The following CIT variants were observed in gnomAD, a reference collection of about 807,000 sequenced individuals.
CIT encodes the protein citron rho-interacting serine/threonine kinase.
Under a neutral mutation model 272.7 loss-of-function variants are expected in CIT, and 79 were observed. That is an observed-to-expected ratio of 0.29 (90% CI 0.24 to 0.35). The LOEUF (loss-of-function observed/expected upper bound fraction) is 0.35. CIT is among the 10% of genes least tolerant of loss of function. CIT has a pLI of 1.00. For missense variants in CIT, 1,909 were observed against 2,618.3 expected (o/e 0.73, Z 5.91); for synonymous variants, 948 against 995.6 (o/e 0.95, Z 0.90).
intron 46 of CIT, among the ~76,000 whole-genome samples, chr12:119,691,131 C>T (rs1199759329): frequency 6.9e-6 from 1 of 145,830 alleles, no homozygotes; most frequent in Non-Finnish European, 1.5e-5. Flanking sequence ...AAGATCGGAC[C>T]ACTGCACTCC....
At chr12:119,741,429 T>C (rs1000257029) in intron 24 of CIT, among the ~76,000 whole-genome samples, 1 of 152,232 alleles carries the variant, frequency 6.6e-6, no homozygotes, top group Admixed American at 6.5e-5. Context: ...TACCCAGTTG[T>C]CTATCTGTGT....
chr12:119,863,742 G>T (rs1468836028), intron 3 of CIT, among the ~76,000 whole-genome samples: 1 of 151,662 alleles, frequency 6.6e-6, no homozygotes, highest in African/African-American at 2.4e-5. Flanking sequence ...ATGTTGGCCA[G>T]GATGGTCTCG....
At chr12:119,828,811 G>A (rs1409988498) in intron 7 of CIT, among the ~76,000 whole-genome samples, 1 of 152,004 alleles carries the variant, frequency 6.6e-6, no homozygotes, top group Non-Finnish European at 1.5e-5. Flanking sequence ...CAGGTGATCT[G>A]CTCGCCTCGG....
intron 9 of CIT, among the ~76,000 whole-genome samples, chr12:119,812,262 T>TTAAGTAATAGCA (rs1252888141): frequency 6.6e-6 from 1 of 151,990 alleles, no homozygotes; most frequent in Non-Finnish European, 1.5e-5. Flanking sequence ...CAGGACACAT[T>TTAAGTAATAGCA]TAAGTAATAG....
intron 41 of CIT, among the ~76,000 whole-genome samples, chr12:119,703,894 G>C (rs1956727485): frequency 6.6e-6 from 1 of 152,176 alleles, no homozygotes; most frequent in Non-Finnish European, 1.5e-5. Flanking sequence ...AGCTCACTCT[G>C]CTCCGAAAAG....
intron 2 of CIT, among the ~76,000 whole-genome samples, chr12:119,872,922 G>A (rs1950726183): frequency 6.6e-6 from 1 of 152,094 alleles, no homozygotes; most frequent in Non-Finnish European, 1.5e-5. Context: ...TCAGCCTCCT[G>A]AGTAGCTGGG....
Position 119,825,228 on chromosome 12 carries a change from A to G in CIT, c.894T>C (p.Tyr298=), listed in dbSNP as rs1409181088. The G allele has an allele frequency of 6.2e-6, 10 of 1,614,198 alleles. No individual in the cohort carries two copies. Among genetic ancestry groups the G allele is most frequent in the Admixed American group, 1.7e-5 (1 of 60,006 alleles). Residue 298 remains tyrosine (Y), a synonymous_variant, in exon 8 of 48, where the codon TAT becomes TAC. Transcript: ENST00000392521. The stretch of plus-strand genomic sequence containing the variant: ...TTCCCTCTGCGAAGGGGGATCTCCC[A>G]TAAATCATCTCATAGGCAATCACGC... ...SVGVIAYEMI[Y]GRSPFAEGTS... is the part of the protein sequence containing the mutation.
At chr12:119,836,284 TAAAAAAAAAAAA>T (rs201559880) in intron 5 of CIT, among the ~76,000 whole-genome samples, 100 of 42,264 alleles carry the variant, frequency 2.4e-3, no homozygotes, top group African/African-American at 8.0e-3. Flanking sequence ...AGACTCCATC[TAAAAAAAAAAAA>T]AAAAAAAAAA....
intron 18 of CIT, 96 bp from the exon 19 acceptor site, chr12:119,767,278 C>A (rs1303787261): frequency 3.3e-6 from 3 of 921,722 alleles, no homozygotes; most frequent in Non-Finnish European, 5.0e-6. Flanking sequence ...GGTACAGGTA[C>A]CACAGGTAAC....
At chr12:119,773,500 T>G (rs1963408846) in intron 16 of CIT, among the ~76,000 whole-genome samples, 1 of 152,172 alleles carries the variant, frequency 6.6e-6, no homozygotes, top group Non-Finnish European at 1.5e-5. Context: ...TGGCGCAATC[T>G]CAGCTCACTG....
At chr12:119,703,225 G>T (rs1848935431) in intron 41 of CIT, among the ~76,000 whole-genome samples, 1 of 152,106 alleles carries the variant, frequency 6.6e-6, no homozygotes, top group South Asian at 2.1e-4. Context: ...AGCCTCAGTT[G>T]TCTTACCTGA....
At chr12:119,701,000 G>T (rs995018494) in intron 43 of CIT, 175 bp from the exon 44 acceptor site, 1 of 388,826 alleles carries the variant, frequency 2.6e-6, no homozygotes, top group Non-Finnish European at 4.6e-6. Flanking sequence ...TAAAAATGAG[G>T]GACTTTTTAA....
chr12:119,872,908 C>T (rs1057069803), intron 2 of CIT, among the ~76,000 whole-genome samples: 4 of 152,122 alleles, frequency 2.6e-5, no homozygotes, highest in African/African-American at 9.7e-5. Context: ...GAGATGCCCC[C>T]ACCTCAGCCT....
intron 44 of CIT, among the ~76,000 whole-genome samples, chr12:119,699,451 T>C (rs1415792756): frequency 1.3e-5 from 2 of 152,192 alleles, no homozygotes; most frequent in African/African-American, 4.8e-5. Context: ...AGACTTGGTA[T>C]TAGACTTTTA....
In CIT at chr12:119,700,745, CA is replaced by C; in HGVS notation, c.5622del (p.Phe1874LeufsTer10). On this transcript the variant is annotated frameshift_variant and splice_region_variant, in exon 44 of 48. Transcript: ENST00000392521. LOFTEE classifies it high-confidence loss of function. ...DLKWSRLPLAFAYREPYLFVT... is the reference protein window; with the variant it reads ...DLKWSRLPLAXAYREPYLFVT... ...AGCCCCCACACTGAGCCTCACGTACCAAAGGCCAAAGGTAAGCGACTCCACT... is the reference window on the plus strand; with the variant it reads ...AGCCCCCACACTGAGCCTCACGTACCAAGGCCAAAGGTAAGCGACTCCACT... 6.4e-7 allele frequency: 1 copy of C among 1,554,242 alleles called. No homozygotes were observed. The highest frequency in any genetic ancestry group is 8.8e-7 in the Non-Finnish European group (1 of 1,137,096).
intron 3 of CIT, 34 bp downstream of exon 3, chr12:119,869,025 AG>A (rs1399601845): frequency 6.2e-7 from 1 of 1,606,330 alleles, no homozygotes; most frequent in Non-Finnish European, 8.5e-7. Flanking sequence ...TTTCTCTCTC[AG>A]GACAGTTTTC....
chr12:119,693,450 G>A (rs1956067395), intron 46 of CIT, among the ~76,000 whole-genome samples: 1 of 152,174 alleles, frequency 6.6e-6, no homozygotes, highest in African/African-American at 2.4e-5. Context: ...CTCGTTCTCA[G>A]GAACTGGAAC....
At chr12:119,844,438 A>C (rs899363625) in intron 5 of CIT, among the ~76,000 whole-genome samples, 1 of 152,180 alleles carries the variant, frequency 6.6e-6, no homozygotes, top group African/African-American at 2.4e-5. Flanking sequence ...GAATGAATAA[A>C]GACTAAAAAG....
At chr12:119,856,660 C>A (rs1427210998) in intron 4 of CIT, among the ~76,000 whole-genome samples, 1 of 152,228 alleles carries the variant, frequency 6.6e-6, no homozygotes, top group Non-Finnish European at 1.5e-5. Context: ...TTCCCCCCAT[C>A]GGTGAGAACT....
Sources: allele counts gnomAD v4.1 joint callset (sites outside exome capture counted in the v4.1 genomes callset), GRCh38; gene constraint gnomAD v4.1.1; transcripts MANE v1.5; gene names NCBI Gene and HGNC (gene_info 2026-07-23, HGNC 2026-07-21).